FMNL2: variants seen among roughly 807,000 people sequenced by gnomAD.
FMNL2 encodes formin-like protein 2.
FMNL2 carries 51 observed loss-of-function variants against 130.2 expected under a neutral mutation model. The ratio of observed to expected loss-of-function variants is 0.39; its 90% CI spans 0.31 to 0.49. FMNL2 has a LOEUF of 0.49. Among genes scored for constraint, FMNL2 ranks in the 20% least tolerant of loss-of-function variants. The pLI, the probability that FMNL2 is intolerant of heterozygous loss-of-function variation, is 0.85. For missense variants in FMNL2, 977 were observed against 1,316.2 expected, an observed-to-expected ratio of 0.74 and a Z score of 3.99; for synonymous variants, 465 against 467.1, an observed-to-expected ratio of 1.00 and a Z score of 0.06.
chr2:152,512,995 G>T lies in FMNL2; in HGVS notation c.118-8948G>T, dbSNP rs561209706. Among the ~76,000 whole-genome samples the T allele has an allele frequency of 7.2e-5, 11 of 152,332 alleles. No individual in the cohort carries two copies. In the South Asian group the frequency reaches 2.3e-3, roughly 32 times the overall value. On this transcript the variant is annotated intron_variant, in intron 1 of 25. Transcript: ENST00000288670. ...CAAACACCCTCCAACATATGTAAGT[G>T]ATCCTTCTTTCATGTTAAAAGAGAA...
intron 6 of FMNL2, among the ~76,000 whole-genome samples, chr2:152,563,002 A>AT (rs911421645): frequency 3.3e-5 from 5 of 152,124 alleles, no homozygotes; most frequent in African/African-American, 9.7e-5. Context: ...TTTTTAAAGT[A>AT]TTTTTTCCAG....
At chr2:152,560,737 T>C in intron 5 of FMNL2, 146 bp from the exon 6 acceptor site, 1 of 660,606 alleles carries the variant, frequency 1.5e-6, no homozygotes, top group East Asian at 3.0e-5. Context: ...GAAATTCCAT[T>C]ATATTTCCTT....
At chr2:152,589,979 A>ATATATG (rs1415375840) in intron 9 of FMNL2, among the ~76,000 whole-genome samples, 8 of 44,484 alleles carry the variant, frequency 1.8e-4, no homozygotes, top group South Asian at 1.6e-3. Flanking sequence ...ATATATATAT[A>ATATATG]TATATGTATA....
intron 9 of FMNL2, among the ~76,000 whole-genome samples, chr2:152,590,008 T>TATATATATAC (rs1553482729): frequency 1.2e-5 from 1 of 86,834 alleles, no homozygotes; most frequent in Non-Finnish European, 2.4e-5. Flanking sequence ...TATATATATA[T>TATATATATAC]ACATATACAT....
chr2:152,644,707 A>G (rs957524208), intron 25 of FMNL2, among the ~76,000 whole-genome samples: 1 of 152,204 alleles, frequency 6.6e-6, no homozygotes, highest in East Asian at 1.9e-4. Context: ...GCTCTGTTCC[A>G]TGTCAAACCC....
chr2:152,576,472 T>C (rs1380203457), intron 7 of FMNL2, among the ~76,000 whole-genome samples: 1 of 152,218 alleles, frequency 6.6e-6, no homozygotes, highest in East Asian at 1.9e-4. Context: ...TCTTAAGTCA[T>C]GTAAATAGCC....
At chr2:152,362,990 A>G (rs758714755) in intron 1 of FMNL2, among the ~76,000 whole-genome samples, 25 of 152,192 alleles carry the variant, frequency 1.6e-4, no homozygotes, top group Admixed American at 1.6e-3. Context: ...AGGCAAAACT[A>G]TATAGAGGGA....
In FMNL2 at chr2:152,360,448, C is replaced by T. The variant is rs574515909; in HGVS notation, c.117+24728C>T. Reference sequence around the variant, plus strand: ...CTGGCTTATGTGGTCTTCCCACCTCCGCCTCCTGAGTAGCTGGGACTACAG... The same window carrying T: ...CTGGCTTATGTGGTCTTCCCACCTCTGCCTCCTGAGTAGCTGGGACTACAG... On this transcript the variant is annotated intron_variant, in intron 1 of 25. Transcript: ENST00000288670. Among the ~76,000 whole-genome samples, 224 of 152,172 alleles carry T rather than the reference C, an allele frequency of 1.5e-3. 1 individual carries two copies. The highest frequency in any genetic ancestry group is 5.1e-3 in the African/African-American group (213 of 41,498).
At position 152,445,135 on chromosome 2, in the gene FMNL2, A is replaced by G. The variant is rs901872543; in HGVS notation, c.118-76808A>G. ...TGATACTATTGATCCTGACTACATC[A>G]GAGTCTCAATTCTTTAAAGAAATGG... is the stretch of plus-strand genomic sequence containing the variant. On this transcript the variant is annotated intron_variant, in intron 1 of 25. Coordinates refer to ENST00000288670, the MANE Select transcript of FMNL2 (RefSeq NM_052905.4). Among the ~76,000 whole-genome samples the G allele has an allele frequency of 5.3e-5, 8 of 152,272 alleles. 1 individual carries two copies. The highest frequency in any genetic ancestry group is 5.2e-4 in the Admixed American group (8 of 15,290).
At chr2:152,491,949 TCAACAA>T (rs544476584) in intron 1 of FMNL2, among the ~76,000 whole-genome samples, 1 of 151,940 alleles carries the variant, frequency 6.6e-6, no homozygotes, top group Non-Finnish European at 1.5e-5. Flanking sequence ...AGACTTCATC[TCAACAA>T]CAACAACAAC....
At chr2:152,407,560 C>T (rs989694452) in intron 1 of FMNL2, among the ~76,000 whole-genome samples, 6 of 152,118 alleles carry the variant, frequency 3.9e-5, no homozygotes, top group African/African-American at 1.4e-4. Flanking sequence ...CAGAGTGGCT[C>T]GTGCATTAAA....
At position 152,619,584 on chromosome 2, in the gene FMNL2, C is replaced by T. The variant is rs1699140957; in HGVS notation, c.1703C>T (p.Pro568Leu). ...CCTCCACCTCCTCCTCCCCCACCGC[C>T]CCCTCCGCCTCCTCCTCTCCCAGGC... ...PPPPPPPPPP[P>L]PPPPPLPGPA... is the part of the protein sequence containing the mutation. The change falls in exon 15 of 26, where the codon CCC becomes CTC. Residue 568 changes from proline to leucine, a missense_variant. Around this residue, in one of 4 missense-constraint regions of FMNL2, gnomAD observed 689 missense variants for 995.9 expected, o/e 0.69. Coordinates refer to ENST00000288670, the MANE Select transcript of FMNL2 (RefSeq NM_052905.4). The T allele has an allele frequency of 2.6e-6, 4 of 1,554,532 alleles. No homozygotes were observed. The highest frequency in any genetic ancestry group is 2.6e-6 in the Non-Finnish European group (3 of 1,148,992).
intron 1 of FMNL2, among the ~76,000 whole-genome samples, chr2:152,427,173 C>T (rs1579637656): frequency 6.6e-6 from 1 of 152,188 alleles, no homozygotes; most frequent in Non-Finnish European, 1.5e-5. Context: ...GTGCTAGTAA[C>T]CCCTGAGTCC....
chr2:152,478,289 C>T lies in FMNL2; in HGVS notation c.118-43654C>T, dbSNP rs544386900. On this transcript the variant is annotated intron_variant, in intron 1 of 25. Transcript: ENST00000288670. ...TTTTTGAGACAGAGTCTTACTGTGT[C>T]GCCCAGGCTGGAGTACAGTGGCATG... 6.5e-3 allele frequency among the ~76,000 whole-genome samples: 868 copies of T among 133,174 alleles called. 9 individuals carry two copies. The highest frequency in any genetic ancestry group is 0.023 in the African/African-American group (832 of 36,552). 87.4% of individuals were successfully genotyped at this position (133,174 alleles called of 152,430 possible). A position where few individuals can be genotyped will look rare whatever the true frequency, so the allele number is the denominator to read the frequency against.
At chr2:152,593,838 G>GGAGAGAGAGAGAGAGAGA (rs147035875) in intron 9 of FMNL2, among the ~76,000 whole-genome samples, 5 of 84,996 alleles carry the variant, frequency 5.9e-5, no homozygotes, top group African/African-American at 2.1e-4. Flanking sequence ...AGGTGACTAG[G>GGAGAGAGAGAGAGAGAGA]GAGAGAGAGA....
chr2:152,507,204 C>G (rs185171706), intron 1 of FMNL2, among the ~76,000 whole-genome samples: 57 of 152,288 alleles, frequency 3.7e-4, no homozygotes, highest in African/African-American at 1.3e-3. Flanking sequence ...ATTTGAGAAC[C>G]ACAGATCTAG....
chr2:152,525,060 A>G (rs988166524), intron 2 of FMNL2, among the ~76,000 whole-genome samples: 1 of 152,220 alleles, frequency 6.6e-6, no homozygotes, highest in African/African-American at 2.4e-5. Flanking sequence ...ACTGAGGTTC[A>G]TAGAGCCTAA....
chr2:152,509,828 C>G (rs1052017556), intron 1 of FMNL2, among the ~76,000 whole-genome samples: 2 of 130,802 alleles, frequency 1.5e-5, no homozygotes, highest in African/African-American at 5.6e-5. Context: ...TCAATGCAGC[C>G]TCGAGCTCAT....
intron 1 of FMNL2, among the ~76,000 whole-genome samples, chr2:152,387,837 A>T (rs963625740): frequency 2.3e-4 from 33 of 146,226 alleles, no homozygotes; most frequent in African/African-American, 7.6e-4. Flanking sequence ...TTTTTTTTGT[A>T]GAGGTGGTGT....
Sources: allele counts gnomAD v4.1 joint callset (sites outside exome capture counted in the v4.1 genomes callset), GRCh38; gene constraint gnomAD v4.1.1; regional missense constraint gnomAD v4.1.1; transcripts MANE v1.5; gene names NCBI Gene and HGNC (gene_info 2026-07-23, HGNC 2026-07-21).